The following KCNN2 variants were observed in gnomAD, a reference collection of about 807,000 sequenced individuals.
KCNN2 encodes potassium calcium-activated channel subfamily N member 2.
In KCNN2, 24 loss-of-function variants were observed where a neutral mutation model predicts 55.5. The observed-to-expected ratio is 0.43, with a 90% CI of 0.31 to 0.61. The LOEUF (loss-of-function observed/expected upper bound fraction) is 0.61. Among genes scored for constraint, KCNN2 ranks in the 20% least tolerant of loss-of-function variants. The pLI is 0.08. For missense variants in KCNN2, 754 were observed against 853.6 expected (o/e 0.88, Z 1.45); for synonymous variants, 431 against 336.1 (o/e 1.28, Z -3.09).
intron 2 of KCNN2, among the ~76,000 whole-genome samples, chr5:114,224,718 G>A (rs1343129140): frequency 6.6e-6 from 1 of 152,166 alleles, no homozygotes; most frequent in Non-Finnish European, 1.5e-5. Flanking sequence ...CTGAGCCTGA[G>A]AACCAGTCAG....
At chr5:114,236,743 T>C (rs1229168957) in intron 2 of KCNN2, among the ~76,000 whole-genome samples, 2 of 152,168 alleles carry the variant, frequency 1.3e-5, no homozygotes, top group African/African-American at 4.8e-5. Flanking sequence ...ATATGTGAAA[T>C]GTGAAATATT....
At chr5:114,378,986 T>TG (rs1291633464) in intron 2 of KCNN2, among the ~76,000 whole-genome samples, 1 of 152,192 alleles carries the variant, frequency 6.6e-6, no homozygotes, top group South Asian at 2.1e-4. Context: ...TGCTTATTGC[T>TG]GTTTCTAGTG....
chr5:114,223,482 A>G (rs1285377989), intron 2 of KCNN2, among the ~76,000 whole-genome samples: 2 of 152,330 alleles, frequency 1.3e-5, no homozygotes, highest in East Asian at 1.9e-4. Context: ...TCATTTTCAC[A>G]TTTAATAAAA....
At chr5:114,372,599 A>G (rs961737753) in intron 2 of KCNN2, among the ~76,000 whole-genome samples, 6 of 152,092 alleles carry the variant, frequency 3.9e-5, no homozygotes, top group Admixed American at 3.9e-4. Context: ...TTCCCTTCAG[A>G]TTATAAAATT....
At chr5:114,150,615 GC>G (rs1459859803) in intron 1 of KCNN2, among the ~76,000 whole-genome samples, 1 of 152,018 alleles carries the variant, frequency 6.6e-6, no homozygotes, top group Non-Finnish European at 1.5e-5. Flanking sequence ...TAATATGAGG[GC>G]TCAGGAATCA....
chr5:114,206,002 T>C (rs543795118), intron 1 of KCNN2, among the ~76,000 whole-genome samples: 1 of 152,324 alleles, frequency 6.6e-6, no homozygotes, highest in South Asian at 2.1e-4. Context: ...TTACATTCCA[T>C]TCAAGGAAAG....
chr5:114,160,535 C>T (rs981811208), intron 1 of KCNN2, among the ~76,000 whole-genome samples: 8 of 152,264 alleles, frequency 5.3e-5, no homozygotes, highest in Admixed American at 1.3e-4. Flanking sequence ...TGGTGCAGAG[C>T]TGAGTTCAAT....
At chr5:114,397,896 ATTTG>A (rs1181677228) in intron 2 of KCNN2, among the ~76,000 whole-genome samples, 3 of 151,938 alleles carry the variant, frequency 2.0e-5, no homozygotes, top group African/African-American at 4.8e-5. Flanking sequence ...TTTCTTGTAA[ATTTG>A]TTTGTTTCTT....
chr5:114,463,164 G>A lies in KCNN2; in HGVS notation c.1753G>A (p.Gly585Arg), dbSNP rs1434391316. ...DMVPNTYCGK[G>R]VCLLTGIMGA... ...GGTACCTAACACATACTGTGGAAAAGGAGTCTGCTTACTTACTGGAATTAT... is the reference window on the plus strand; with the variant it reads ...GGTACCTAACACATACTGTGGAAAAAGAGTCTGCTTACTTACTGGAATTAT... Residue 585 changes from glycine (G) to arginine (R), a missense_variant, in exon 4 of 8, where the codon GGA (glycine) becomes AGA (arginine). Gly to Arg is a moderately radical substitution (Grantham distance 125). Around this residue, in one of 4 missense-constraint regions of KCNN2, gnomAD observed 86 missense variants for 233.0 expected, o/e 0.37. Transcript: ENST00000673685. 6.2e-7 allele frequency: 1 copy of A among 1,612,180 alleles called. No homozygotes were observed. Among genetic ancestry groups the A allele is most frequent in the Admixed American group, 1.7e-5 (1 of 59,624 alleles).
chr5:114,158,549 G>A (rs1249406392), intron 1 of KCNN2, among the ~76,000 whole-genome samples: 1 of 151,886 alleles, frequency 6.6e-6, no homozygotes, highest in Non-Finnish European at 1.5e-5. Flanking sequence ...GAAAGTCATT[G>A]GTAGCTTGAT....
intron 1 of KCNN2, among the ~76,000 whole-genome samples, chr5:114,114,985 G>T (rs1366732407): frequency 1.3e-5 from 2 of 152,074 alleles, no homozygotes; most frequent in Admixed American, 6.6e-5. Context: ...AATATTAGTT[G>T]GTGGGATATA....
intron 1 of KCNN2, among the ~76,000 whole-genome samples, chr5:114,210,314 G>T (rs1432061478): frequency 5.9e-5 from 9 of 152,118 alleles, no homozygotes; most frequent in Admixed American, 5.9e-4. Context: ...GATTCTTTAA[G>T]CAGAATCACA....
chr5:114,443,749 C>T (rs1760300969), intron 3 of KCNN2, among the ~76,000 whole-genome samples: 1 of 152,140 alleles, frequency 6.6e-6, no homozygotes, highest in South Asian at 2.1e-4. Context: ...GCACGGGTGG[C>T]AAGTATTGAA....
intron 3 of KCNN2, among the ~76,000 whole-genome samples, chr5:114,454,869 G>A (rs933912066): frequency 1.3e-5 from 2 of 152,170 alleles, no homozygotes; most frequent in Non-Finnish European, 2.9e-5. Context: ...ACACTTCCAC[G>A]GGTTCTATGA....
At chr5:114,142,130 G>C (rs1180615774) in intron 1 of KCNN2, among the ~76,000 whole-genome samples, 1 of 152,138 alleles carries the variant, frequency 6.6e-6, no homozygotes, top group Non-Finnish European at 1.5e-5. Flanking sequence ...AAGCTGTTTA[G>C]TTTAATGAGA....
intron 1 of KCNN2, among the ~76,000 whole-genome samples, chr5:114,138,891 A>G (rs1292227560): frequency 6.6e-6 from 1 of 152,142 alleles, no homozygotes. Context: ...ATGAACTGTA[A>G]TGTGTTGGAA....
chr5:114,483,532 T>C lies in KCNN2; in HGVS notation c.1891-3518T>C, dbSNP rs537884799. On this transcript the variant is annotated intron_variant, in intron 5 of 7. Transcript: ENST00000673685. The stretch of plus-strand genomic sequence containing the variant: ...CTCAAGTGAGCCACTCATCTCGGCC[T>C]CCCAAAGTGCTGGGATTACAAACAT... Among the ~76,000 whole-genome samples the C allele has an allele frequency of 8.5e-5, 13 of 152,226 alleles. No homozygotes were observed. In the South Asian group the frequency reaches 2.7e-3, roughly 32 times the overall value.
intron 1 of KCNN2, among the ~76,000 whole-genome samples, chr5:114,077,949 A>G (rs1020102158): frequency 1.3e-5 from 2 of 152,148 alleles, no homozygotes; most frequent in African/African-American, 4.8e-5. Context: ...TCTTAGGTGT[A>G]TTTTTGAAAT....
rs372177743 is a variant in KCNN2, at chr5:114,431,162, T to A, written c.1637+26306T>A. 1.2e-3 allele frequency among the ~76,000 whole-genome samples: 190 copies of A among 152,212 alleles called. No homozygotes were observed. In the South Asian group the frequency reaches 0.018, roughly 15 times the overall value. On this transcript the variant is annotated intron_variant, in intron 3 of 7. Coordinates refer to ENST00000673685, the MANE Select transcript of KCNN2 (RefSeq NM_021614.4). ...GTCTCTAGAAGACGTTGTAGAGAAT[T>A]AGTATAATTTCTTCTTTAAATGTTT...
Sources: gnomAD v4.1 joint callset for allele counts (sites outside exome capture counted in the v4.1 genomes callset) on GRCh38, gnomAD v4.1.1 for gene constraint, gnomAD v4.1.1 regional missense constraint, MANE v1.5 for transcripts, NCBI Gene and HGNC (gene_info 2026-07-23, HGNC 2026-07-21) for gene names.